The following PDE4B variants were observed in gnomAD, a reference collection of about 807,000 sequenced individuals.
PDE4B encodes the protein phosphodiesterase 4B.
In PDE4B, 20 loss-of-function variants were observed where a neutral mutation model predicts 82.2. The ratio of observed to expected loss-of-function variants is 0.24; its 90% CI spans 0.17 to 0.35. The LOEUF (loss-of-function observed/expected upper bound fraction) is 0.35. Ranked by LOEUF, PDE4B falls within the 10% of genes least tolerant of loss-of-function variation. PDE4B has a pLI of 1.00. For synonymous variants in PDE4B, 320 were observed against 318.9 expected, an observed-to-expected ratio of 1.00 and a Z score of -0.04; for missense variants, 655 against 907.2, an observed-to-expected ratio of 0.72 and a Z score of 3.57.
chr1:66,264,185 A>T (rs889397279), intron 6 of PDE4B, among the ~76,000 whole-genome samples: 7 of 152,222 alleles, frequency 4.6e-5, no homozygotes, highest in African/African-American at 1.7e-4. Context: ...GTCTGAGATG[A>T]AATGTCAGGC....
chr1:65,977,943 A>G (rs1650493722), intron 3 of PDE4B, among the ~76,000 whole-genome samples: 1 of 152,156 alleles, frequency 6.6e-6, no homozygotes, highest in Non-Finnish European at 1.5e-5. Context: ...TACATCCTGC[A>G]AAGGAGTATA....
intron 1 of PDE4B, among the ~76,000 whole-genome samples, chr1:65,884,269 T>A (rs995753141): frequency 1.3e-5 from 2 of 152,164 alleles, no homozygotes; most frequent in Admixed American, 6.5e-5. Flanking sequence ...AGAATTTGGC[T>A]GTGAATCCAT....
At chr1:66,039,086 C>A (rs531184788) in intron 3 of PDE4B, among the ~76,000 whole-genome samples, 81 of 152,072 alleles carry the variant, frequency 5.3e-4, no homozygotes, top group Non-Finnish European at 1.0e-3. Flanking sequence ...GTTCTTGTTA[C>A]CTGAATAAAA....
At chr1:66,064,048 G>A (rs564579834) in intron 3 of PDE4B, among the ~76,000 whole-genome samples, 21 of 152,002 alleles carry the variant, frequency 1.4e-4, no homozygotes, top group East Asian at 3.9e-4. Context: ...GCTTTTCTTC[G>A]GAGAGTAATA....
At chr1:66,159,410 T>A (rs1646565202) in intron 3 of PDE4B, among the ~76,000 whole-genome samples, 2 of 151,876 alleles carry the variant, frequency 1.3e-5, no homozygotes, top group East Asian at 3.9e-4. Flanking sequence ...CAGCTATTTT[T>A]TTTTTTTTTG....
At chr1:65,956,232 G>A (rs1315435950) in intron 3 of PDE4B, among the ~76,000 whole-genome samples, 1 of 152,092 alleles carries the variant, frequency 6.6e-6, no homozygotes, top group Non-Finnish European at 1.5e-5. Flanking sequence ...TATATTTAAG[G>A]TTTGGGAAAG....
At chr1:65,832,155 C>T (rs1646089838) in intron 1 of PDE4B, among the ~76,000 whole-genome samples, 1 of 152,058 alleles carries the variant, frequency 6.6e-6, no homozygotes, top group South Asian at 2.1e-4. Flanking sequence ...AAGAAATAAT[C>T]ACAATGTCTA....
At chr1:66,148,163 G>A (rs1417036284) in intron 3 of PDE4B, among the ~76,000 whole-genome samples, 2 of 152,064 alleles carry the variant, frequency 1.3e-5, no homozygotes, top group East Asian at 1.9e-4. Flanking sequence ...TCAGCTACTC[G>A]GGAGGCTGAG....
chr1:66,297,521 T>C (rs1557685648), intron 7 of PDE4B, among the ~76,000 whole-genome samples: 2 of 152,202 alleles, frequency 1.3e-5, no homozygotes, highest in Admixed American at 6.6e-5. Flanking sequence ...CTATGGCATA[T>C]TGAAACAGTA....
chr1:66,169,749 A>G (rs1194441156), intron 3 of PDE4B, among the ~76,000 whole-genome samples: 1 of 152,224 alleles, frequency 6.6e-6, no homozygotes, highest in African/African-American at 2.4e-5. Context: ...AAAATGCAAC[A>G]TGAGAATGAA....
chr1:66,207,851 T>C (rs1306624694), intron 3 of PDE4B, among the ~76,000 whole-genome samples: 1 of 152,210 alleles, frequency 6.6e-6, no homozygotes, highest in Non-Finnish European at 1.5e-5. Context: ...TTGAGTACTT[T>C]TATATCCTGA....
chr1:65,945,870 A>G (rs1343017469), intron 3 of PDE4B, among the ~76,000 whole-genome samples: 2 of 151,994 alleles, frequency 1.3e-5, no homozygotes, highest in Non-Finnish European at 1.5e-5. Context: ...GTTCATCCAT[A>G]TGCCTCTTAC....
At position 65,992,821 on chromosome 1, in the gene PDE4B, T is replaced by TG. The variant is rs574851077; in HGVS notation, c.281+73986_281+73987insG. On this transcript the variant is annotated intron_variant, in intron 3 of 16. Coordinates refer to ENST00000341517, the MANE Select transcript of PDE4B (RefSeq NM_002600.4). ...ATTAAACTGGAAATAGTTTGCAGAC[T>TG]TATCAGTCTTCTGACCTGCAGCAGT... 3 of 1,505,224 alleles carry TG rather than the reference T, an allele frequency of 2.0e-6. No individual in the cohort carries two copies. In the Admixed American group the frequency reaches 7.0e-5, roughly 35 times the overall value. 93.2% of individuals were successfully genotyped at this position (1,505,224 alleles called of 1,614,324 possible). A position where few individuals can be genotyped will look rare whatever the true frequency, so the allele number is the denominator to read the frequency against.
intron 3 of PDE4B, among the ~76,000 whole-genome samples, chr1:66,222,098 A>G (rs1276271242): frequency 6.6e-6 from 1 of 152,034 alleles, no homozygotes; most frequent in Non-Finnish European, 1.5e-5. Context: ...TCTGGCTTCC[A>G]ATTTCCAAGT....
chr1:66,285,087 A>C (rs1656575384), intron 7 of PDE4B, among the ~76,000 whole-genome samples: 1 of 152,168 alleles, frequency 6.6e-6, no homozygotes, highest in Non-Finnish European at 1.5e-5. Flanking sequence ...TTACGACAAG[A>C]GCAACAATCA....
At chr1:66,360,809 A>G (rs957546058) in intron 9 of PDE4B, 2 of 152,142 alleles carry the variant, frequency 1.3e-5, no homozygotes, top group African/African-American at 4.8e-5. Context: ...TTTTTCACTA[A>G]TCCTAGCTCT....
chr1:66,031,106 C>A (rs1277834427), intron 3 of PDE4B, among the ~76,000 whole-genome samples: 1 of 152,024 alleles, frequency 6.6e-6, no homozygotes, highest in Non-Finnish European at 1.5e-5. Flanking sequence ...ATCCTTTAAT[C>A]CATAATAAAA....
intron 3 of PDE4B, among the ~76,000 whole-genome samples, chr1:65,965,587 C>A (rs1649776034): frequency 6.6e-6 from 1 of 151,670 alleles, no homozygotes; most frequent in Non-Finnish European, 1.5e-5. Flanking sequence ...TTCTTAACAG[C>A]TTATCTGATG....
chr1:66,076,271 TGTA>T (rs1175994346), intron 3 of PDE4B, among the ~76,000 whole-genome samples: 3 of 152,182 alleles, frequency 2.0e-5, no homozygotes, highest in African/African-American at 7.2e-5. Flanking sequence ...AGTGAGAACA[TGTA>T]GTATTTGGGT....
Sources: gnomAD v4.1 joint callset for allele counts (sites outside exome capture counted in the v4.1 genomes callset) on GRCh38, gnomAD v4.1.1 for gene constraint, MANE v1.5 for transcripts, NCBI Gene and HGNC (gene_info 2026-07-23, HGNC 2026-07-21) for gene names.